The following MAP3K20 variants were observed in gnomAD, a reference collection of about 807,000 sequenced individuals.
MAP3K20 encodes mitogen-activated protein kinase kinase kinase 20.
MAP3K20 carries 40 observed loss-of-function variants against 85.7 expected under a neutral mutation model. That is an observed-to-expected ratio of 0.47 (90% CI 0.36 to 0.61). The LOEUF is 0.61. Ranked by LOEUF, MAP3K20 falls within the 20% of genes least tolerant of loss-of-function variation. MAP3K20 has a pLI of 0.00. For missense variants in MAP3K20, 817 were observed against 961.7 expected, an observed-to-expected ratio of 0.85 and a Z score of 1.99; for synonymous variants, 325 against 327.7, an observed-to-expected ratio of 0.99 and a Z score of 0.09.
chr2:173,266,521 A>T lies in MAP3K20; in HGVS notation c.2174A>T (p.His725Leu), dbSNP rs1222991817. ...YRVSQSALNPHQSPDFKRSPR... is the reference protein window; with the variant it reads ...YRVSQSALNPLQSPDFKRSPR... ...GTTTCTCAGTCAGCACTCAATCCTCACCAGTCGCCTGACTTCAAGAGAAGC... is the reference window on the plus strand; with the variant it reads ...GTTTCTCAGTCAGCACTCAATCCTCTCCAGTCGCCTGACTTCAAGAGAAGC... The change falls in exon 20 of 20, where the codon CAC becomes CTC. Residue 725 changes from histidine to leucine, a missense_variant. This residue lies in a region of MAP3K20 where 454 missense variants were observed against 476.9 expected (regional missense o/e 0.95). Coordinates refer to ENST00000375213, the MANE Select transcript of MAP3K20 (RefSeq NM_016653.3). 1.9e-6 allele frequency: 3 copies of T among 1,614,002 alleles called. No individual in the cohort carries two copies. Among genetic ancestry groups the T allele is most frequent in the East Asian group, 2.2e-5 (1 of 44,866 alleles).
chr2:173,150,482 G>A (rs1205995601), intron 2 of MAP3K20, among the ~76,000 whole-genome samples: 1 of 152,208 alleles, frequency 6.6e-6, no homozygotes, highest in Non-Finnish European at 1.5e-5. Flanking sequence ...GAGTGCTATT[G>A]CTGTCAGTCT....
At chr2:173,246,810 G>C (rs1328760755) in intron 16 of MAP3K20, among the ~76,000 whole-genome samples, 1 of 152,110 alleles carries the variant, frequency 6.6e-6, no homozygotes, top group African/African-American at 2.4e-5. Flanking sequence ...TGAGGTTAGG[G>C]GAAAAGTAAC....
At chr2:173,170,020 CTATAA>C in intron 3 of MAP3K20, 128 bp downstream of exon 3, 2 of 821,094 alleles carry the variant, frequency 2.4e-6, no homozygotes, top group South Asian at 3.1e-5. Context: ...ACTTTTGTTG[CTATAA>C]AGCATTAATA....
chr2:173,208,467 G>C (rs1394283950), intron 9 of MAP3K20, among the ~76,000 whole-genome samples: 2 of 151,750 alleles, frequency 1.3e-5, no homozygotes, highest in Non-Finnish European at 2.9e-5. Context: ...CAAAGTTAAA[G>C]AAGATAAATA....
intron 5 of MAP3K20, among the ~76,000 whole-genome samples, chr2:173,188,966 T>C (rs760258199): frequency 1.3e-5 from 2 of 152,184 alleles, no homozygotes; most frequent in Non-Finnish European, 2.9e-5. Flanking sequence ...AACTAAATTA[T>C]GGATTTTTCC....
At chr2:173,141,325 A>G (rs1228541184) in intron 2 of MAP3K20, among the ~76,000 whole-genome samples, 1 of 152,214 alleles carries the variant, frequency 6.6e-6, no homozygotes, top group Non-Finnish European at 1.5e-5. Flanking sequence ...AAACATGTTC[A>G]AGAACTTAAA....
At position 173,217,227 on chromosome 2, in the gene MAP3K20, C is replaced by T; in HGVS notation, c.964C>T (p.Leu322=). The T allele has an allele frequency of 1.3e-6, 2 of 1,596,700 alleles. No individual in the cohort carries two copies. The highest frequency in any genetic ancestry group is 1.7e-6 in the Non-Finnish European group (2 of 1,171,204). ...ACGTTTAAAGATGTGGGAGCAAAAG[C>T]TGACAGAGCAGTCCAACACCCCGGT... The part of the protein sequence containing the change: ...ERRLKMWEQK[L]TEQSNTPLLP... The change falls in exon 11 of 20, where the codon CTG becomes TTG. Residue 322 remains leucine, a synonymous_variant. Coordinates refer to ENST00000375213, the MANE Select transcript of MAP3K20 (RefSeq NM_016653.3).
At chr2:173,192,749 G>A (rs1690696307) in intron 7 of MAP3K20, among the ~76,000 whole-genome samples, 1 of 152,146 alleles carries the variant, frequency 6.6e-6, no homozygotes, top group Admixed American at 6.5e-5. Context: ...GTTTTCTCTT[G>A]TGAAAGTGCA....
intron 2 of MAP3K20, among the ~76,000 whole-genome samples, chr2:173,099,661 T>C (rs538447037): frequency 3.1e-4 from 47 of 152,346 alleles, no homozygotes; most frequent in Middle Eastern, 3.4e-3. Flanking sequence ...AATTATTTCC[T>C]TCTCTGTGAA....
At chr2:173,092,257 A>G (rs1009486213) in intron 2 of MAP3K20, among the ~76,000 whole-genome samples, 5 of 152,224 alleles carry the variant, frequency 3.3e-5, no homozygotes, top group Admixed American at 3.3e-4. Flanking sequence ...TTTGGAAGAC[A>G]TTAAGAAAGG....
chr2:173,170,615 A>G (rs947013860), intron 3 of MAP3K20, among the ~76,000 whole-genome samples: 6 of 152,202 alleles, frequency 3.9e-5, no homozygotes, highest in African/African-American at 1.4e-4. Context: ...AAAACCTTTA[A>G]GTATTAGCCA....
chr2:173,163,706 G>A (rs1198455018), intron 2 of MAP3K20, among the ~76,000 whole-genome samples: 4 of 152,088 alleles, frequency 2.6e-5, no homozygotes, highest in Non-Finnish European at 5.9e-5. Context: ...AATAGTGCTG[G>A]GACGAACATG....
chr2:173,123,019 G>C (rs1337455279), intron 2 of MAP3K20, among the ~76,000 whole-genome samples: 1 of 152,222 alleles, frequency 6.6e-6, no homozygotes, highest in Non-Finnish European at 1.5e-5. Context: ...AGTGCAAGGA[G>C]TGTCTCTGGT....
chr2:173,111,299 G>A (rs1179113256), intron 2 of MAP3K20, among the ~76,000 whole-genome samples: 2 of 152,008 alleles, frequency 1.3e-5, no homozygotes, highest in Non-Finnish European at 2.9e-5. Flanking sequence ...ATTGATGTGA[G>A]TTTGTTGTAG....
intron 2 of MAP3K20, among the ~76,000 whole-genome samples, chr2:173,122,390 T>C (rs566340788): frequency 6.6e-6 from 1 of 152,358 alleles, no homozygotes; most frequent in African/African-American, 2.4e-5. Flanking sequence ...TTGGTGTTGA[T>C]TCAGAGCTAG....
chr2:173,173,504 T>C (rs1007619029), intron 3 of MAP3K20, among the ~76,000 whole-genome samples: 1 of 152,178 alleles, frequency 6.6e-6, no homozygotes, highest in Non-Finnish European at 1.5e-5. Context: ...CTGCATGATT[T>C]CTCAGCAGGC....
chr2:173,152,973 C>A (rs1168122186), intron 2 of MAP3K20, among the ~76,000 whole-genome samples: 1 of 152,156 alleles, frequency 6.6e-6, no homozygotes, highest in African/African-American at 2.4e-5. Context: ...TGAATGGACT[C>A]TCAGGGATGC....
chr2:173,196,967 TA>T (rs1251291000), intron 7 of MAP3K20, among the ~76,000 whole-genome samples: 4 of 146,014 alleles, frequency 2.7e-5, no homozygotes, highest in Non-Finnish European at 6.1e-5. Flanking sequence ...TTTTTTTTTT[TA>T]ACTTTTTAAA....
intron 11 of MAP3K20, chr2:173,225,153 G>C (rs1355916251): frequency 1.0e-6 from 1 of 985,016 alleles, no homozygotes; most frequent in East Asian, 1.1e-4. Context: ...ATTCTCAACT[G>C]GGGCGGTGCT....
Sources: allele counts gnomAD v4.1 joint callset (sites outside exome capture counted in the v4.1 genomes callset), GRCh38; gene constraint gnomAD v4.1.1; regional missense constraint gnomAD v4.1.1; transcripts MANE v1.5; gene names NCBI Gene and HGNC (gene_info 2026-07-23, HGNC 2026-07-21).